Variants in FBLN1 observed in about 807,000 individuals in gnomAD.
FBLN1 encodes fibulin 1.
Under a neutral mutation model 89.7 loss-of-function variants are expected in FBLN1, and 34 were observed. The ratio of observed to expected loss-of-function variants is 0.38; its 90% CI spans 0.29 to 0.50. The LOEUF is 0.50. Ranked by LOEUF, FBLN1 falls within the 20% of genes least tolerant of loss-of-function variation. FBLN1 has a pLI of 0.92. For synonymous variants in FBLN1, 393 were observed against 391.3 expected, an observed-to-expected ratio of 1.00 and a Z score of -0.05; for missense variants, 777 against 988.1, an observed-to-expected ratio of 0.79 and a Z score of 2.86.
Position 45,532,520 on chromosome 22 carries a change from C to T in FBLN1, c.545-543C>T, listed in dbSNP as rs1022858760. Among the ~76,000 whole-genome samples, 6 of 152,090 alleles carry T rather than the reference C, an allele frequency of 3.9e-5. No individual in the cohort carries two copies. The highest frequency in any genetic ancestry group is 7.4e-5 in the Non-Finnish European group (5 of 68,020). ...TTGAGGCTTATCCTGATGAGATTTG[C>T]ACTCTGAGCATCACTCTGGCCACCC... On this transcript the variant is annotated intron_variant, in intron 5 of 16. Transcript: ENST00000327858. This position sits in a 1 kb window ranked among gnomAD's most constrained non-coding sequence, Gnocchi z 4.2.
At chr22:45,520,962 C>A (rs1051735211) in intron 2 of FBLN1, among the ~76,000 whole-genome samples, 2 of 152,182 alleles carry the variant, frequency 1.3e-5, no homozygotes, top group African/African-American at 4.8e-5. Context: ...ATTACAGGCA[C>A]ACACTACCAC....
At position 45,600,389 on chromosome 22, in the gene FBLN1, G is replaced by T; in HGVS notation, c.2055G>T (p.Val685=). 1 of 1,614,112 alleles carries T rather than the reference G, an allele frequency of 6.2e-7. No individual in the cohort carries two copies. Residue 685 remains valine, a synonymous_variant, in exon 17 of 17, where the codon GTG becomes GTT. Transcript: ENST00000327858. The stretch of plus-strand genomic sequence containing the variant: ...AGATGAACTATGTGGTCGGGGGCGT[G>T]GTCTCCCACCGAAATGTTGTCAACG... ...KLEMNYVVGG[V]VSHRNVVNVH...
At chr22:45,571,990 G>T (rs556064413) in intron 14 of FBLN1, among the ~76,000 whole-genome samples, 4 of 152,024 alleles carry the variant, frequency 2.6e-5, no homozygotes, top group African/African-American at 9.7e-5. Context: ...TTAGCTGGTC[G>T]TGGTGGTGCC....
At chr22:45,535,122 T>C in intron 7 of FBLN1, 78 bp from the exon 8 acceptor site, 1 of 1,550,820 alleles carries the variant, frequency 6.4e-7, no homozygotes, top group Non-Finnish European at 8.9e-7. Flanking sequence ...GAAAAAAGCT[T>C]TCTTGTGATT....
Position 45,583,431 on chromosome 22 carries a change from G to A in FBLN1, c.1972+6323G>A, listed in dbSNP as rs887160316. Among the ~76,000 whole-genome samples the A allele has an allele frequency of 7.9e-5, 12 of 152,178 alleles. No homozygotes were observed. The highest frequency in any genetic ancestry group is 2.9e-4 in the African/African-American group (12 of 41,434). On this transcript the variant is annotated intron_variant, in intron 16 of 16. Coordinates refer to ENST00000327858, the MANE Select transcript of FBLN1 (RefSeq NM_006486.3). The surrounding 1 kb of genome is among the most constrained non-coding windows in gnomAD (Gnocchi z 4.5). ...CCTATATTACATTTAGGAAGGAAAC[G>A]CCCTAATTGGAGACTCTGCATCTCA...
chr22:45,547,521 A>G (rs1254671017), intron 12 of FBLN1, among the ~76,000 whole-genome samples: 1 of 147,718 alleles, frequency 6.8e-6, no homozygotes, highest in Non-Finnish European at 1.5e-5. Context: ...TCAGCCTCCC[A>G]AGTAGTTGGG....
At chr22:45,589,358 C>T (rs760997820) in intron 16 of FBLN1, among the ~76,000 whole-genome samples, 4 of 152,000 alleles carry the variant, frequency 2.6e-5, no homozygotes, top group Admixed American at 6.6e-5. Flanking sequence ...AGGCTTGACC[C>T]GGTCCTGAAA....
rs1375462741 is a variant in FBLN1 at position 45,537,284 on chromosome 22, T to C, written c.922+1947T>C. On this transcript the variant is annotated intron_variant, in intron 8 of 16. Coordinates refer to ENST00000327858, the MANE Select transcript of FBLN1 (RefSeq NM_006486.3). This position sits in a 1 kb window ranked among gnomAD's most constrained non-coding sequence, Gnocchi z 5.7. Reference sequence around the variant, plus strand: ...AAATAGTGGTTTGGAGAGAGAGCTCTTCCCCCACTGCATTATTTTTAACCA... The same window carrying C: ...AAATAGTGGTTTGGAGAGAGAGCTCCTCCCCCACTGCATTATTTTTAACCA... Among the ~76,000 whole-genome samples the C allele has an allele frequency of 6.6e-6, 1 of 152,164 alleles. No individual in the cohort carries two copies. Among genetic ancestry groups the C allele is most frequent in the Non-Finnish European group, 1.5e-5 (1 of 68,008 alleles).
chr22:45,535,720 T>C (rs544690764), intron 8 of FBLN1: 20 of 230,110 alleles, frequency 8.7e-5, no homozygotes, highest in Non-Finnish European at 6.9e-5. Context: ...CCAAGAAAAT[T>C]ACTTCTGAGC....
chr22:45,551,530 C>T (rs1274947056), intron 14 of FBLN1, among the ~76,000 whole-genome samples: 2 of 152,256 alleles, frequency 1.3e-5, no homozygotes, highest in Non-Finnish European at 2.9e-5. Context: ...CCCCGTTGTC[C>T]CTGGCAGCCC....
chr22:45,558,925 T>C (rs2097486), intron 14 of FBLN1, among the ~76,000 whole-genome samples: 100,457 of 152,182 alleles, frequency 0.66, 33,967 homozygotes, highest in African/African-American at 0.82. Context: ...ACTTCTCACT[T>C]ACTGGATCCA....
chr22:45,545,222 G>T lies in FBLN1; in HGVS notation c.1321+1696G>T, dbSNP rs1443012457. 6.6e-6 allele frequency among the ~76,000 whole-genome samples: 1 copy of T among 152,168 alleles called. No individual in the cohort carries two copies. The highest frequency in any genetic ancestry group is 1.5e-5 in the Non-Finnish European group (1 of 68,036). On this transcript the variant is annotated intron_variant, in intron 11 of 16. Transcript: ENST00000327858. The surrounding 1 kb of genome is among the most constrained non-coding windows in gnomAD (Gnocchi z 5.9). ...AAGATTCACGAGTTGAGTCTCTCAG[G>T]CTTGTGTTCAAACCTGACTTCTGCC...
At chr22:45,513,843 G>C (rs1303127390) in intron 1 of FBLN1, among the ~76,000 whole-genome samples, 5 of 152,040 alleles carry the variant, frequency 3.3e-5, no homozygotes, top group African/African-American at 9.7e-5. Flanking sequence ...GCCCAGGCTG[G>C]AGTGCAGTGG....
At chr22:45,585,110 T>TGA (rs146708801) in intron 16 of FBLN1, among the ~76,000 whole-genome samples, 2,445 of 151,944 alleles carry the variant, frequency 0.016, 59 homozygotes, top group African/African-American at 0.056. Flanking sequence ...AGTTCATGTC[T>TGA]GAGAGAGAGA....
At position 45,597,687 on chromosome 22, in the gene FBLN1, G is replaced by A. The variant is rs2089198425; in HGVS notation, c.1973-2620G>A. ...GACAGGCGCACGTCTTTTGCCGGGA[G>A]CTGAAGACGTTCATGGGCTTTCAAG... On this transcript the variant is annotated intron_variant, in intron 16 of 16. Coordinates refer to ENST00000327858, the MANE Select transcript of FBLN1 (RefSeq NM_006486.3). The surrounding 1 kb of genome is among the most constrained non-coding windows in gnomAD (Gnocchi z 4.2). Among the ~76,000 whole-genome samples the A allele has an allele frequency of 1.3e-5, 2 of 152,166 alleles. No individual in the cohort carries two copies. Among genetic ancestry groups the A allele is most frequent in the Admixed American group, 1.3e-4 (2 of 15,282 alleles).
intron 14 of FBLN1, among the ~76,000 whole-genome samples, chr22:45,573,695 A>AAAAC (rs1569262047): frequency 6.7e-6 from 1 of 149,516 alleles, no homozygotes; most frequent in African/African-American, 2.5e-5. Context: ...AAAAAAAAAA[A>AAAAC]AAAAAACCCA....
In FBLN1 at chr22:45,574,665, G is replaced by A. The variant is rs916819291; in HGVS notation, c.1840+12G>A. 6.2e-7 allele frequency: 1 copy of A among 1,611,910 alleles called. No individual in the cohort carries two copies. Among genetic ancestry groups the A allele is most frequent in the Admixed American group, 1.7e-5 (1 of 59,916 alleles). ...CACCCGCCCTGAAGGTGAGTGGGAT[G>A]GGTGTGGGGGTCCCAGGGCCCCCTA... is the stretch of plus-strand genomic sequence containing the variant. On this transcript the variant is annotated intron_variant, in intron 15 of 16. Transcript: ENST00000327858. The surrounding 1 kb of genome is among the most constrained non-coding windows in gnomAD (Gnocchi z 4.1).
chr22:45,546,973 G>T (rs902406589), intron 11 of FBLN1, 112 bp from the exon 12 acceptor site: 41 of 1,539,692 alleles, frequency 2.7e-5, no homozygotes, highest in Non-Finnish European at 3.5e-5. Flanking sequence ...CTCTCCGAGT[G>T]TGTTAACCTG....
Position 45,563,932 on chromosome 22 carries a change from A to G in FBLN1, c.1698-10579A>G, listed in dbSNP as rs2147014207. On this transcript the variant is annotated intron_variant, in intron 14 of 16. Transcript: ENST00000327858. This position sits in a 1 kb window ranked among gnomAD's most constrained non-coding sequence, Gnocchi z 5.7. ...GCTCCTAGGATGCAGCTCTTGCCTC[A>G]GTGAAGTCGTTTTGCCCCCACTGAG... is the stretch of plus-strand genomic sequence containing the variant. Among the ~76,000 whole-genome samples the G allele has an allele frequency of 6.6e-6, 1 of 152,342 alleles. No individual in the cohort carries two copies. Among genetic ancestry groups the G allele is most frequent in the African/African-American group, 2.4e-5 (1 of 41,576 alleles).
Sources: allele counts gnomAD v4.1 joint callset (sites outside exome capture counted in the v4.1 genomes callset), GRCh38; gene constraint gnomAD v4.1.1; non-coding constraint Gnocchi (gnomAD v3.1); transcripts MANE v1.5; gene names NCBI Gene and HGNC (gene_info 2026-07-23, HGNC 2026-07-21).